Variants in INSR observed in about 807,000 individuals in gnomAD.
INSR encodes insulin receptor.
A neutral mutation model predicts 142.6 loss-of-function variants in INSR; 67 were observed. That is an observed-to-expected ratio of 0.47 (90% CI 0.39 to 0.58). The LOEUF (loss-of-function observed/expected upper bound fraction) is 0.58, where lower values mean the gene tolerates loss of function less well. Ranked by LOEUF, INSR falls within the 20% of genes least tolerant of loss-of-function variation. INSR has a pLI of 0.00. For synonymous variants in INSR, 756 were observed against 743.1 expected, an observed-to-expected ratio of 1.02 and a Z score of -0.28; for missense variants, 1,248 against 1,833.2, an observed-to-expected ratio of 0.68 and a Z score of 5.83.
In INSR at chr19:7,125,436, G is replaced by T; in HGVS notation, c.3105C>A (p.Gly1035=). 1 of 1,614,114 alleles carries T rather than the reference G, an allele frequency of 6.2e-7. No individual in the cohort carries two copies. ...CCCTGGCATTGCCCTCATACACCAT[G>T]CCGAAGGAGCCCTGCCCCAGCTCTC... ...LLRELGQGSF[G]MVYEGNARDI... The change falls in exon 17 of 22, where the codon GGC becomes GGA. Residue 1035 remains glycine, a synonymous_variant. Transcript: ENST00000302850. The surrounding 1 kb of genome is among the most constrained non-coding windows in gnomAD (Gnocchi z 4.9).
intron 5 of INSR, 135 bp from the exon 6 acceptor site, chr19:7,170,886 A>T: frequency 1.3e-6 from 1 of 778,846 alleles, no homozygotes. Context: ...CACATACTCA[A>T]CACATATTTG....
chr19:7,276,317 T>C (rs1440199665), intron 1 of INSR, among the ~76,000 whole-genome samples: 1 of 151,878 alleles, frequency 6.6e-6, no homozygotes, highest in Non-Finnish European at 1.5e-5. Context: ...GGCTAATTTT[T>C]GTATTTTTTG....
rs938887071 is a variant in INSR at position 7,294,103 on chromosome 19, G to C, written c.-212C>G. ...GCTTCGCCAGCTACAAATACTGAGC[G>C]GAGGCCCTTGCGGTGGTGGCCCCGA... On this transcript the variant is annotated 5_prime_UTR_variant, in exon 1 of 22. Transcript: ENST00000302850. 1.4e-5 allele frequency: 4 copies of C among 293,778 alleles called. No individual in the cohort carries two copies. Among genetic ancestry groups the C allele is most frequent in the East Asian group, 1.0e-4 (1 of 9,592 alleles). 18.2% of individuals were successfully genotyped at this position (293,778 alleles called of 1,614,324 possible).
chr19:7,170,172 G>A (rs990502861), intron 6 of INSR, among the ~76,000 whole-genome samples: 2 of 152,008 alleles, frequency 1.3e-5, no homozygotes, highest in African/African-American at 4.8e-5. Flanking sequence ...TCAGATTAGC[G>A]GCGGCATTAG....
At chr19:7,195,213 G>A (rs916230893) in intron 2 of INSR, among the ~76,000 whole-genome samples, 5 of 152,320 alleles carry the variant, frequency 3.3e-5, no homozygotes, top group Middle Eastern at 3.4e-3. Flanking sequence ...GCCCACAATA[G>A]TGGGACAAGG....
At chr19:7,265,749 A>T (rs1380980301) in intron 2 of INSR, among the ~76,000 whole-genome samples, 1 of 146,392 alleles carries the variant, frequency 6.8e-6, no homozygotes, top group South Asian at 2.2e-4. Flanking sequence ...AAAAAAAAAA[A>T]AATTAAAATA....
intron 9 of INSR, among the ~76,000 whole-genome samples, chr19:7,156,050 T>A (rs1973583068): frequency 7.4e-6 from 1 of 135,462 alleles, no homozygotes; most frequent in Middle Eastern, 4.0e-3. Context: ...CCATATGGAA[T>A]TCTTTTTTTT....
intron 1 of INSR, among the ~76,000 whole-genome samples, chr19:7,271,143 A>G (rs761405283): frequency 3.3e-5 from 5 of 152,270 alleles, no homozygotes; most frequent in East Asian, 1.9e-4. Context: ...GTGAGATACC[A>G]CTTTATCCCC....
chr19:7,198,900 G>C (rs76335114), intron 2 of INSR, among the ~76,000 whole-genome samples: 3,811 of 36,516 alleles, frequency 0.1, 72 homozygotes, highest in Middle Eastern at 0.4. Flanking sequence ...CACTTTTTTT[G>C]GGGGGGGGGT....
At chr19:7,245,253 G>A (rs1441230732) in intron 2 of INSR, among the ~76,000 whole-genome samples, 1 of 151,488 alleles carries the variant, frequency 6.6e-6, no homozygotes. Context: ...GGTTTTATAT[G>A]AGAGTGAGAG....
Position 7,154,491 on chromosome 19 carries a change from A to G in INSR, c.2030-1564T>C, listed in dbSNP as rs754525274. On this transcript the variant is annotated intron_variant, in intron 9 of 21. Coordinates refer to ENST00000302850, the MANE Select transcript of INSR (RefSeq NM_000208.4). ...CTAATTTGTTGTATTTTTAGTAGAG[A>G]TGGGGTTTCATTGTGTTAGCCAGGA... is the stretch of plus-strand genomic sequence containing the variant. Among the ~76,000 whole-genome samples, 204 of 150,030 alleles carry G rather than the reference A, an allele frequency of 1.4e-3. 1 individual carries two copies. Among genetic ancestry groups the G allele is most frequent in the Non-Finnish European group, 1.4e-3 (97 of 67,454 alleles).
chr19:7,250,445 GAAGAAAGAA>G (rs1156444358), intron 2 of INSR, among the ~76,000 whole-genome samples: 1 of 55,134 alleles, frequency 1.8e-5, no homozygotes, highest in East Asian at 4.8e-4. Context: ...AGAAAAGAAA[GAAGAAAGAA>G]AAGGAAGAAA....
At chr19:7,153,002 A>ACACACACACCC (rs1568448941) in intron 9 of INSR, 75 bp from the exon 10 acceptor site, 1 of 638,676 alleles carries the variant, frequency 1.6e-6, no homozygotes, top group Non-Finnish European at 2.5e-6. Context: ...CACACCCCAC[A>ACACACACACCC]CACACACACA....
chr19:7,265,364 T>C (rs1967690079), intron 2 of INSR, among the ~76,000 whole-genome samples: 1 of 152,080 alleles, frequency 6.6e-6, no homozygotes. Flanking sequence ...CAGTTAGCTA[T>C]TTGGGAGAGA....
chr19:7,119,381 G>T lies in INSR; in HGVS notation c.3794+68C>A, dbSNP rs1394479937. 5 of 1,588,476 alleles carry T rather than the reference G, an allele frequency of 3.1e-6. No individual in the cohort carries two copies. The highest frequency in any genetic ancestry group is 1.7e-6 in the Non-Finnish European group (2 of 1,157,604). On this transcript the variant is annotated intron_variant, in intron 21 of 21. Coordinates refer to ENST00000302850, the MANE Select transcript of INSR (RefSeq NM_000208.4). The surrounding 1 kb of genome is among the most constrained non-coding windows in gnomAD (Gnocchi z 5.2). The stretch of plus-strand genomic sequence containing the variant: ...GTAGACATAGGAAAGGCAAAACCAA[G>T]CACACGTGTAAAGGGCAATACCCTT...
chr19:7,152,999 CACACACACACA>C (rs1973418986), intron 9 of INSR, 72 bp from the exon 10 acceptor site: 6 of 695,706 alleles, frequency 8.6e-6, no homozygotes, highest in Admixed American at 5.0e-5. Flanking sequence ...ACACACACCC[CACACACACACA>C]CACCACACAC....
At chr19:7,201,934 T>C (rs1189236808) in intron 2 of INSR, among the ~76,000 whole-genome samples, 1 of 152,140 alleles carries the variant, frequency 6.6e-6, no homozygotes, top group African/African-American at 2.4e-5. Flanking sequence ...GTGTTGGGAT[T>C]ACAGGCGTGA....
intron 13 of INSR, among the ~76,000 whole-genome samples, chr19:7,137,286 C>T (rs1972954407): frequency 6.6e-6 from 1 of 151,036 alleles, no homozygotes; most frequent in Non-Finnish European, 1.5e-5. Context: ...AAAAAAAATC[C>T]CTCATGCCCA....
intron 19 of INSR, 64 bp downstream of exon 19, chr19:7,122,550 A>G: frequency 6.4e-7 from 1 of 1,563,158 alleles, no homozygotes; most frequent in Admixed American, 1.7e-5. Context: ...ATTATAGACA[A>G]CTTCCTTCTG....
Sources: allele counts gnomAD v4.1 joint callset (sites outside exome capture counted in the v4.1 genomes callset), GRCh38; gene constraint gnomAD v4.1.1; non-coding constraint Gnocchi (gnomAD v3.1); transcripts MANE v1.5; gene names NCBI Gene and HGNC (gene_info 2026-07-23, HGNC 2026-07-21).